CERS3: variants seen among roughly 807,000 people sequenced by gnomAD.
The protein encoded by CERS3 is LAG1 homolog, ceramide synthase 3.
A neutral mutation model predicts 50.3 loss-of-function variants in CERS3; 33 were observed. The ratio of observed to expected loss-of-function variants is 0.66; its 90% CI spans 0.50 to 0.88. The LOEUF (loss-of-function observed/expected upper bound fraction) is 0.88. CERS3 is among the 40% of genes least tolerant of loss of function. The probability of loss-of-function intolerance (pLI) is 0.00; values close to 1 mark genes in which losing one functional copy is unlikely to be tolerated. For synonymous variants in CERS3, 176 were observed against 155.2 expected (o/e 1.13, Z -0.99); for missense variants, 470 against 460.3 (o/e 1.02, Z -0.19).
intron 10 of CERS3, among the ~76,000 whole-genome samples, chr15:100,469,097 A>C (rs2034878850): frequency 6.6e-6 from 1 of 152,226 alleles, no homozygotes; most frequent in South Asian, 2.1e-4. Flanking sequence ...TGTTAATCAC[A>C]AAGAAAGGTC....
intron 10 of CERS3, among the ~76,000 whole-genome samples, chr15:100,459,026 C>T (rs1056709405): frequency 2.6e-5 from 4 of 152,194 alleles, no homozygotes; most frequent in Non-Finnish European, 4.4e-5. Context: ...TGACAGCTAA[C>T]ATTACATAAA....
At position 100,406,817 on chromosome 15, in the gene CERS3, C is replaced by T. The variant is rs146617428; in HGVS notation, c.1000-3952G>A. 5.4e-3 allele frequency among the ~76,000 whole-genome samples: 825 copies of T among 152,226 alleles called. 7 individuals are homozygous for T. Among genetic ancestry groups the T allele is most frequent in the African/African-American group, 0.018 (761 of 41,538 alleles). On this transcript the variant is annotated intron_variant, in intron 11 of 11. Coordinates refer to ENST00000679737, the MANE Select transcript of CERS3 (RefSeq NM_001378789.1). ...TCCACGCTGCTGATAAAGACATACC[C>T]GAGACTGGGAAGAAAAAAAGGTTTA...
At chr15:100,435,220 C>G (rs1018726361) in intron 11 of CERS3, among the ~76,000 whole-genome samples, 42 of 152,200 alleles carry the variant, frequency 2.8e-4, no homozygotes, top group African/African-American at 9.9e-4. Flanking sequence ...ACATACAAAG[C>G]AAGAACTTTA....
At chr15:100,504,803 T>C (rs1366588765) in intron 2 of CERS3, among the ~76,000 whole-genome samples, 1 of 152,184 alleles carries the variant, frequency 6.6e-6, no homozygotes, top group Non-Finnish European at 1.5e-5. Flanking sequence ...TCAACTTTCA[T>C]GGTTAGTTTG....
At chr15:100,472,665 G>A (rs1164906876) in intron 9 of CERS3, among the ~76,000 whole-genome samples, 1 of 152,268 alleles carries the variant, frequency 6.6e-6, no homozygotes, top group African/African-American at 2.4e-5. Flanking sequence ...TACTTCCTGA[G>A]TGGGCATGTG....
Position 100,472,913 on chromosome 15 carries a change from CA to C in CERS3, c.738+10del, listed in dbSNP as rs765868912. The C allele has an allele frequency of 2.5e-6, 4 of 1,613,652 alleles. No individual in the cohort carries two copies. The highest frequency in any genetic ancestry group is 3.4e-6 in the Non-Finnish European group (4 of 1,179,742). ...GGTATTGTCATTAGTTTTTTAATGG[CA>C]AACGTTTACCTCCAGCCAAATGTCA... On this transcript the variant is annotated intron_variant, in intron 9 of 11. Transcript: ENST00000679737.
chr15:100,543,677 C>G (rs1333951792), intron 1 of CERS3, among the ~76,000 whole-genome samples: 1 of 152,040 alleles, frequency 6.6e-6, no homozygotes, highest in South Asian at 2.1e-4. Context: ...TCACAGGTGC[C>G]CACCACCACG....
chr15:100,411,870 T>C (rs1406667208), intron 11 of CERS3, among the ~76,000 whole-genome samples: 1 of 152,196 alleles, frequency 6.6e-6, no homozygotes, highest in Non-Finnish European at 1.5e-5. Flanking sequence ...TTATGATGAG[T>C]ATCTTTTCAT....
At chr15:100,518,445 TA>T (rs1167192809) in intron 2 of CERS3, among the ~76,000 whole-genome samples, 2 of 152,224 alleles carry the variant, frequency 1.3e-5, no homozygotes, top group Admixed American at 6.5e-5. Flanking sequence ...TGATTAAATC[TA>T]TGACTGAATT....
At chr15:100,543,336 T>C (rs2037247061) in intron 1 of CERS3, among the ~76,000 whole-genome samples, 1 of 152,046 alleles carries the variant, frequency 6.6e-6, no homozygotes, top group Non-Finnish European at 1.5e-5. Flanking sequence ...ACTGGACTGC[T>C]TTACCATCTC....
intron 11 of CERS3, among the ~76,000 whole-genome samples, chr15:100,428,040 T>C (rs545038711): frequency 6.6e-6 from 1 of 152,232 alleles, no homozygotes; most frequent in South Asian, 2.1e-4. Flanking sequence ...TACATAACAG[T>C]GAAGGAACTG....
At chr15:100,512,465 C>T (rs2036371837) in intron 2 of CERS3, among the ~76,000 whole-genome samples, 1 of 152,160 alleles carries the variant, frequency 6.6e-6, no homozygotes, top group Admixed American at 6.5e-5. Flanking sequence ...TCTCCCAGAA[C>T]CCTACAGGGC....
rs141901786 is a variant in CERS3 at position 100,426,954 on chromosome 15, C to T, written c.1000-24089G>A. 3.2e-4 allele frequency among the ~76,000 whole-genome samples: 48 copies of T among 152,312 alleles called. 1 individual carries two copies. Among genetic ancestry groups the T allele is most frequent in the Non-Finnish European group, 5.3e-4 (36 of 68,026 alleles). On this transcript the variant is annotated intron_variant, in intron 11 of 11. Transcript: ENST00000679737. Reference sequence around the variant, plus strand: ...TTACACTCAATTGGGTCCTTTGATACGGGTCCCTGCACTCTTCAGCTCTCC... The same window carrying T: ...TTACACTCAATTGGGTCCTTTGATATGGGTCCCTGCACTCTTCAGCTCTCC...
In CERS3 at chr15:100,414,885, C is replaced by T. The variant is rs151226401; in HGVS notation, c.1000-12020G>A. On this transcript the variant is annotated intron_variant, in intron 11 of 11. Transcript: ENST00000679737. ...TCAGGACATAGGCATGGGCAGACTT[C>T]ATGACTAAGACACCAAAAGCAATTG... Among the ~76,000 whole-genome samples the T allele has an allele frequency of 2.5e-3, 371 of 149,426 alleles. 1 individual carries two copies. The highest frequency in any genetic ancestry group is 4.2e-3 in the Non-Finnish European group (283 of 67,626).
intron 5 of CERS3, among the ~76,000 whole-genome samples, chr15:100,481,455 A>G (rs540077552): frequency 2.0e-4 from 31 of 152,358 alleles, no homozygotes; most frequent in African/African-American, 7.5e-4. Context: ...TCCCTGGATT[A>G]TCTTGTCCAA....
intron 11 of CERS3, among the ~76,000 whole-genome samples, chr15:100,416,531 T>C (rs373830256): frequency 6.6e-6 from 1 of 152,226 alleles, no homozygotes; most frequent in Non-Finnish European, 1.5e-5. Context: ...AGAAGTTTAA[T>C]TGACTCATAG....
chr15:100,492,759 C>T (rs557596029), intron 3 of CERS3, among the ~76,000 whole-genome samples: 14 of 152,050 alleles, frequency 9.2e-5, no homozygotes, highest in Admixed American at 3.3e-4. Flanking sequence ...ACATCTTATG[C>T]CCTTTTGTTT....
Position 100,471,255 on chromosome 15 carries a change from G to C in CERS3, c.738+1669C>G, listed in dbSNP as rs77772067. On this transcript the variant is annotated intron_variant, in intron 9 of 11. Transcript: ENST00000679737. Reference sequence around the variant, plus strand: ...TCTTCTTCTTTTTTTTTTAACCTAAGGACCTCAGAACGTTTTCAGGTAATA... The same window carrying C: ...TCTTCTTCTTTTTTTTTTAACCTAACGACCTCAGAACGTTTTCAGGTAATA... 1.0e-3 allele frequency among the ~76,000 whole-genome samples: 154 copies of C among 151,796 alleles called. No homozygotes were observed. The East Asian group carries it at 0.027, about 26-fold the overall frequency.
intron 1 of CERS3, among the ~76,000 whole-genome samples, chr15:100,539,238 A>G (rs1460736252): frequency 6.6e-6 from 1 of 152,182 alleles, no homozygotes; most frequent in Non-Finnish European, 1.5e-5. Flanking sequence ...ACTTTCTCAC[A>G]TCCTCCTGTC....
Sources: gnomAD v4.1 joint callset for allele counts (sites outside exome capture counted in the v4.1 genomes callset) on GRCh38, gnomAD v4.1.1 for gene constraint, MANE v1.5 for transcripts, NCBI Gene and HGNC (gene_info 2026-07-23, HGNC 2026-07-21) for gene names.